The following DOCK10 variants were observed in gnomAD, a reference collection of about 807,000 sequenced individuals.
DOCK10 encodes dedicator of cytokinesis protein 10.
Under a neutral mutation model 280.1 loss-of-function variants are expected in DOCK10, and 145 were observed. That is an observed-to-expected ratio of 0.52 (90% CI 0.45 to 0.59). DOCK10 has a LOEUF of 0.59. Ranked by LOEUF, DOCK10 falls within the 20% of genes least tolerant of loss-of-function variation. The probability of loss-of-function intolerance (pLI) is 0.00; values close to 1 mark genes in which losing one functional copy is unlikely to be tolerated. For missense variants in DOCK10, 2,368 were observed against 2,651.7 expected (o/e 0.89, Z 2.35); for synonymous variants, 915 against 942.2 (o/e 0.97, Z 0.53).
At chr2:224,984,464 G>A (rs550026303) in intron 1 of DOCK10, among the ~76,000 whole-genome samples, 1 of 152,266 alleles carries the variant, frequency 6.6e-6, no homozygotes, top group East Asian at 1.9e-4. Context: ...CTCTGCCTCT[G>A]AGGAATTCAC....
rs765776869 is a variant in DOCK10, at chr2:224,796,941, T to TA, written c.4827+22dup. The TA allele has an allele frequency of 3.7e-6, 6 of 1,605,526 alleles. No individual in the cohort carries two copies. In the Admixed American group the frequency reaches 1.0e-4, roughly 27 times the overall value. ...AGATCAGTGGTTTTAACAACAGCAT[T>TA]AATGAAAATTGGCAGCACTTACTTG... On this transcript the variant is annotated intron_variant, in intron 43 of 55. Coordinates refer to ENST00000258390, the MANE Select transcript of DOCK10 (RefSeq NM_014689.3).
intron 39 of DOCK10, among the ~76,000 whole-genome samples, chr2:224,803,178 C>T (rs981991534): frequency 2.0e-5 from 3 of 152,216 alleles, no homozygotes; most frequent in East Asian, 3.9e-4. Context: ...ATCTAACCCA[C>T]CACACATCTA....
chr2:225,042,191 G>C lies in DOCK10; in HGVS notation c.123+61C>G. 8.2e-7 allele frequency: 1 copy of C among 1,222,528 alleles called. No individual in the cohort carries two copies. Among genetic ancestry groups the C allele is most frequent in the Non-Finnish European group, 1.0e-6 (1 of 981,804 alleles). The allele number at this position is 1,222,528 out of a possible 1,614,324, so 75.7% of individuals were successfully genotyped here. ...CCCGCCGAGCTTTTGGGGAAGCTGG[G>C]CTCCGTTCCCCCCGGGCGCCTGGGG... On this transcript the variant is annotated intron_variant, in intron 1 of 55. Transcript: ENST00000258390. The surrounding 1 kb of genome is among the most constrained non-coding windows in gnomAD (Gnocchi z 5.1).
At chr2:225,041,919 T>C (rs1222462513) in intron 1 of DOCK10, among the ~76,000 whole-genome samples, 1 of 152,176 alleles carries the variant, frequency 6.6e-6, no homozygotes, top group Admixed American at 6.5e-5. Flanking sequence ...TCGTATCACT[T>C]AGCACCAGTG....
At chr2:224,777,574 T>C (rs1690967110) in intron 51 of DOCK10, among the ~76,000 whole-genome samples, 3 of 152,206 alleles carry the variant, frequency 2.0e-5, no homozygotes, top group Admixed American at 6.5e-5. Flanking sequence ...CAGGGGCTCT[T>C]GGGCCTTCAG....
At chr2:224,988,510 G>C (rs761534451) in intron 1 of DOCK10, among the ~76,000 whole-genome samples, 5 of 152,168 alleles carry the variant, frequency 3.3e-5, no homozygotes, top group Non-Finnish European at 7.3e-5. Context: ...GATCATCCCT[G>C]TTTTACTGTT....
In DOCK10 at chr2:224,932,933, GT is replaced by G. The variant is rs1702478485; in HGVS notation, c.124-1266del. ...AAAAAATAAAACAAATGTGAACATA[GT>G]GGGCCAAAGGCAAGGGTCATCATAT... is the stretch of plus-strand genomic sequence containing the variant. On this transcript the variant is annotated intron_variant, in intron 1 of 55. Coordinates refer to ENST00000258390, the MANE Select transcript of DOCK10 (RefSeq NM_014689.3). Among the ~76,000 whole-genome samples the G allele has an allele frequency of 2.0e-5, 3 of 152,172 alleles. No individual in the cohort carries two copies. The South Asian group carries it at 6.2e-4, about 32-fold the overall frequency.
At chr2:224,995,468 G>A (rs560704169) in intron 1 of DOCK10, among the ~76,000 whole-genome samples, 6 of 152,256 alleles carry the variant, frequency 3.9e-5, no homozygotes, top group South Asian at 4.2e-4. Flanking sequence ...TCTATCTCAC[G>A]CCAATAATAC....
intron 1 of DOCK10, among the ~76,000 whole-genome samples, chr2:225,029,114 C>G (rs1481767698): frequency 6.6e-6 from 1 of 152,100 alleles, no homozygotes; most frequent in Admixed American, 6.5e-5. Context: ...GCTCTGTGAC[C>G]CTGACCACAT....
At chr2:224,801,893 T>G in intron 40 of DOCK10, 23 bp downstream of exon 40, 1 of 1,611,060 alleles carries the variant, frequency 6.2e-7, no homozygotes, top group South Asian at 1.1e-5. Flanking sequence ...ACCATCTTGT[T>G]CCTATTATTT....
intron 1 of DOCK10, among the ~76,000 whole-genome samples, chr2:225,015,693 C>G (rs1373176381): frequency 6.6e-6 from 1 of 152,158 alleles, no homozygotes; most frequent in Non-Finnish European, 1.5e-5. Context: ...AGTGGAGCTC[C>G]ATTGCAATCA....
chr2:224,841,843 C>A lies in DOCK10; in HGVS notation c.2622G>T (p.Met874Ile). Residue 874 changes from methionine (M) to isoleucine (I), a missense_variant, in exon 23 of 56, where the codon ATG (methionine) becomes ATT (isoleucine). By Grantham distance (10) the Met-to-Ile change is conservative. Around this residue, in one of 2 missense-constraint regions of DOCK10, gnomAD observed 1,209 missense variants for 1,250.9 expected, o/e 0.97. Coordinates refer to ENST00000258390, the MANE Select transcript of DOCK10 (RefSeq NM_014689.3). ...TGAAATTTGAGGTAGGTGACTGAGA[C>A]ATATCTTTCTCTCTTTTTTGGCACT... ...FQECQKREKDMSQSPTSNFIR... is the reference protein window; with the variant it reads ...FQECQKREKDISQSPTSNFIR... 1 of 1,613,542 alleles carries A rather than the reference C, an allele frequency of 6.2e-7. No homozygotes were observed. Among genetic ancestry groups the A allele is most frequent in the Non-Finnish European group, 8.5e-7 (1 of 1,179,568 alleles).
chr2:224,774,489 C>T (rs1165166562), intron 52 of DOCK10, among the ~76,000 whole-genome samples: 2 of 152,188 alleles, frequency 1.3e-5, no homozygotes, highest in Admixed American at 6.5e-5. Context: ...TATTGGAGAC[C>T]GACATCTGCA....
At chr2:225,003,594 TA>T (rs1340326259) in intron 1 of DOCK10, among the ~76,000 whole-genome samples, 1 of 152,252 alleles carries the variant, frequency 6.6e-6, no homozygotes, top group African/African-American at 2.4e-5. Flanking sequence ...AAGGCAAATC[TA>T]AAACACAGAC....
chr2:224,837,665 G>T, intron 25 of DOCK10, 97 bp downstream of exon 25: 1 of 1,007,832 alleles, frequency 9.9e-7, no homozygotes, highest in Admixed American at 1.8e-5. Flanking sequence ...GCGCCACTCA[G>T]TTAAAGGGAG....
At chr2:225,005,379 T>C (rs1183526639) in intron 1 of DOCK10, among the ~76,000 whole-genome samples, 2 of 152,226 alleles carry the variant, frequency 1.3e-5, no homozygotes, top group African/African-American at 4.8e-5. Context: ...CTTCAAAATA[T>C]GTACAGTTTT....
In DOCK10 at chr2:225,042,227, G is replaced by A. The variant is rs1690454336; in HGVS notation, c.123+25C>T. 8.0e-7 allele frequency: 1 copy of A among 1,242,980 alleles called. No individual in the cohort carries two copies. 77.0% of individuals were successfully genotyped at this position (1,242,980 alleles called of 1,614,324 possible). A position where few individuals can be genotyped will look rare whatever the true frequency, so the allele number is the denominator to read the frequency against. On this transcript the variant is annotated intron_variant, in intron 1 of 55. Transcript: ENST00000258390. The surrounding 1 kb of genome is among the most constrained non-coding windows in gnomAD (Gnocchi z 5.1). ...CCCGGGCGCCTGGGGCGCGCGGGAA[G>A]GCGCGGAGGACGCGCCGCACTCACC...
chr2:224,960,730 CTTTTTTTTTTTT>C (rs71281764), intron 1 of DOCK10, among the ~76,000 whole-genome samples: 15 of 70,258 alleles, frequency 2.1e-4, no homozygotes, highest in South Asian at 6.0e-4. Flanking sequence ...TCACCAAATT[CTTTTTTTTTTTT>C]TTTTTTTTTT....
intron 4 of DOCK10, among the ~76,000 whole-genome samples, chr2:224,889,822 A>C (rs1268481531): frequency 6.6e-6 from 1 of 152,220 alleles, no homozygotes; most frequent in Non-Finnish European, 1.5e-5. Flanking sequence ...TGATTGGCAA[A>C]AATAAAGCCT....
Sources: gnomAD v4.1 joint callset for allele counts (sites outside exome capture counted in the v4.1 genomes callset) on GRCh38, gnomAD v4.1.1 for gene constraint, gnomAD v4.1.1 regional missense constraint, Gnocchi (gnomAD v3.1) non-coding constraint, MANE v1.5 for transcripts, NCBI Gene and HGNC (gene_info 2026-07-23, HGNC 2026-07-21) for gene names.